The following TENM3 variants were observed in gnomAD, a reference collection of about 807,000 sequenced individuals.
The protein encoded by TENM3 is teneurin transmembrane protein 3, also known as teneurin-3.
Under a neutral mutation model 255.1 loss-of-function variants are expected in TENM3, and 63 were observed. That is an observed-to-expected ratio of 0.25 (90% confidence interval 0.20 to 0.30). The LOEUF (loss-of-function observed/expected upper bound fraction) is 0.30. Among genes scored for constraint, TENM3 ranks in the 10% least tolerant of loss-of-function variants. The pLI, the probability that TENM3 is intolerant of heterozygous loss-of-function variation, is 1.00. For synonymous variants in TENM3, 1,306 were observed against 1,322.3 expected (o/e 0.99, Z 0.27); for missense variants, 2,929 against 3,461.1 (o/e 0.85, Z 3.86).
intron 3 of TENM3, among the ~76,000 whole-genome samples, chr4:182,385,037 G>A (rs1767815164): frequency 6.6e-6 from 1 of 152,046 alleles, no homozygotes; most frequent in Non-Finnish European, 1.5e-5. Context: ...AAACTGCTCT[G>A]CGGCTTCAGC....
the TENM3 span, among the ~76,000 whole-genome samples, chr4:181,612,701 C>T: frequency 6.6e-6 from 1 of 151,966 alleles, no homozygotes; most frequent in Admixed American, 6.6e-5. Context: ...TCTGTTAAAC[C>T]ATCGAATAGC....
At position 182,457,558 on chromosome 4, in the gene TENM3, C is replaced by CT. The variant is rs768197836; in HGVS notation, c.511+110646dup. On this transcript the variant is annotated intron_variant, in intron 3 of 27. Transcript: ENST00000511685. ...ATGCAAATACCTAAATCATGTATAT[C>CT]TTTTTTTTTTTTTTTTTGAGGATAG... 5.1e-3 allele frequency among the ~76,000 whole-genome samples: 585 copies of CT among 115,208 alleles called. 18 individuals are homozygous for CT. Among genetic ancestry groups the CT allele is most frequent in the African/African-American group, 0.017 (559 of 32,436 alleles). The allele number at this position is 115,208 out of a possible 152,430, so 75.6% of individuals were successfully genotyped here.
chr4:181,948,134 A>T, the TENM3 span, among the ~76,000 whole-genome samples: 1 of 152,176 alleles, frequency 6.6e-6, no homozygotes, highest in African/African-American at 2.4e-5. Flanking sequence ...GGTACCACTG[A>T]TTTGCCTTCA....
the TENM3 span, among the ~76,000 whole-genome samples, chr4:182,121,109 CT>C: frequency 1.3e-5 from 2 of 152,142 alleles, no homozygotes; most frequent in African/African-American, 4.8e-5. Flanking sequence ...AGTGATTACC[CT>C]GGCTCAGCCT....
the TENM3 span, among the ~76,000 whole-genome samples, chr4:181,874,136 C>G: frequency 6.6e-6 from 1 of 152,054 alleles, no homozygotes; most frequent in Non-Finnish European, 1.5e-5. Flanking sequence ...CCAGGCTGGT[C>G]TCAAACTCCT....
At chr4:181,570,268 ATC>A in the TENM3 span, among the ~76,000 whole-genome samples, 1 of 151,900 alleles carries the variant, frequency 6.6e-6, no homozygotes, top group Non-Finnish European at 1.5e-5. Context: ...GATGGTCTCG[ATC>A]TCCTGACCTC....
intron 3 of TENM3, among the ~76,000 whole-genome samples, chr4:182,492,603 C>A (rs1735409304): frequency 6.6e-6 from 1 of 152,116 alleles, no homozygotes; most frequent in East Asian, 1.9e-4. Context: ...TGAAACCCTG[C>A]TATTTTTAGA....
intron 22 of TENM3, among the ~76,000 whole-genome samples, chr4:182,761,888 T>C (rs773140423): frequency 2.0e-5 from 3 of 152,228 alleles, no homozygotes; most frequent in Non-Finnish European, 2.9e-5. Context: ...CCAAAACGTG[T>C]ATTTCCAGGG....
chr4:182,688,116 C>G (rs1206805715), intron 11 of TENM3, 50 bp from the exon 12 acceptor site: 3 of 1,468,092 alleles, frequency 2.0e-6, no homozygotes, highest in South Asian at 2.8e-5. Flanking sequence ...TTCCCCTTCT[C>G]TCTCCCGCCA....
At chr4:181,449,193 C>A in the TENM3 span, among the ~76,000 whole-genome samples, 1,551 of 152,206 alleles carry the variant, frequency 0.01, 32 homozygotes, top group African/African-American at 0.036. Flanking sequence ...ACTAAAAATA[C>A]CTTAATGAAA....
At chr4:182,503,999 T>C (rs1736572367) in intron 3 of TENM3, among the ~76,000 whole-genome samples, 1 of 151,526 alleles carries the variant, frequency 6.6e-6, no homozygotes, top group African/African-American at 2.4e-5. Flanking sequence ...TGACATATTA[T>C]CTAATTTACA....
At chr4:181,764,232 A>G in the TENM3 span, among the ~76,000 whole-genome samples, 1 of 103,484 alleles carries the variant, frequency 9.7e-6, no homozygotes, top group Admixed American at 1.2e-4. Flanking sequence ...TAAGACATAC[A>G]AGAAGAGGGA....
At chr4:182,320,890 A>G (rs1470688053) in intron 1 of TENM3, among the ~76,000 whole-genome samples, 1 of 152,240 alleles carries the variant, frequency 6.6e-6, no homozygotes, top group Non-Finnish European at 1.5e-5. Context: ...GCAAAACAGC[A>G]GCAGAGCAGA....
chr4:182,651,448 T>C (rs891974602), intron 5 of TENM3, among the ~76,000 whole-genome samples: 4 of 152,092 alleles, frequency 2.6e-5, no homozygotes, highest in African/African-American at 4.8e-5. Context: ...CCTAGCACTT[T>C]GGGAGGCCGA....
At chr4:181,913,298 G>A in the TENM3 span, among the ~76,000 whole-genome samples, 1 of 152,162 alleles carries the variant, frequency 6.6e-6, no homozygotes, top group Non-Finnish European at 1.5e-5. Flanking sequence ...CTGAGAAAGT[G>A]CCATTTAATT....
the TENM3 span, among the ~76,000 whole-genome samples, chr4:181,677,975 A>G: frequency 6.6e-6 from 1 of 152,120 alleles, no homozygotes; most frequent in South Asian, 2.1e-4. Flanking sequence ...TCCTTTTTAT[A>G]TGGCTTGGTA....
chr4:181,496,612 A>G, the TENM3 span, among the ~76,000 whole-genome samples: 8 of 152,226 alleles, frequency 5.3e-5, no homozygotes, highest in East Asian at 3.9e-4. Flanking sequence ...AAAAAATCAT[A>G]GTTTATCTGA....
chr4:181,484,686 C>T, the TENM3 span, among the ~76,000 whole-genome samples: 9 of 152,028 alleles, frequency 5.9e-5, no homozygotes, highest in African/African-American at 9.7e-5. Flanking sequence ...TTTAGAGAAT[C>T]AGGTACTAAT....
intron 2 of TENM3, among the ~76,000 whole-genome samples, chr4:182,335,176 T>G (rs1764023579): frequency 6.6e-6 from 1 of 150,984 alleles, no homozygotes; most frequent in African/African-American, 2.4e-5. Context: ...TTTTCAGAGC[T>G]GTTATACTTG....
Sources: gnomAD v4.1 joint callset for allele counts (sites outside exome capture counted in the v4.1 genomes callset) on GRCh38, gnomAD v4.1.1 for gene constraint, MANE v1.5 for transcripts, NCBI Gene and HGNC (gene_info 2026-07-23, HGNC 2026-07-21) for gene names.